Variants in MACROD2 observed in about 807,000 individuals in gnomAD.
MACROD2 encodes ADP-ribose glycohydrolase MACROD2.
A neutral mutation model predicts 70.4 loss-of-function variants in MACROD2; 36 were observed. The ratio of observed to expected loss-of-function variants is 0.51; its 90% CI spans 0.39 to 0.68. The LOEUF is 0.68. MACROD2 is among the 30% of genes least tolerant of loss of function. MACROD2 has a pLI of 0.00. For synonymous variants in MACROD2, 172 were observed against 178.8 expected (o/e 0.96, Z 0.30); for missense variants, 496 against 538.4 (o/e 0.92, Z 0.78).
At chr20:15,847,836 T>C (rs1318844047) in intron 8 of MACROD2, among the ~76,000 whole-genome samples, 1 of 152,190 alleles carries the variant, frequency 6.6e-6, no homozygotes, top group Admixed American at 6.5e-5. Flanking sequence ...TTTATGTTTT[T>C]GTTTTTATTT....
chr20:15,530,203 G>T (rs763383501), intron 8 of MACROD2, among the ~76,000 whole-genome samples: 4 of 152,132 alleles, frequency 2.6e-5, no homozygotes, highest in Non-Finnish European at 4.4e-5. Flanking sequence ...TGAAAGTGGG[G>T]AAATGGAAAC....
chr20:14,422,430 G>T (rs2083885186), intron 3 of MACROD2, among the ~76,000 whole-genome samples: 1 of 152,122 alleles, frequency 6.6e-6, no homozygotes, highest in African/African-American at 2.4e-5. Context: ...GTTAAGGAAA[G>T]ATTTACTTCT....
At chr20:13,996,144 G>A (rs1306725805) in intron 1 of MACROD2, among the ~76,000 whole-genome samples, 1 of 143,942 alleles carries the variant, frequency 6.9e-6, no homozygotes, top group Non-Finnish European at 1.5e-5. Context: ...CGCGGCACAA[G>A]TTCCTCTGCA....
intron 6 of MACROD2, among the ~76,000 whole-genome samples, chr20:15,408,879 A>G (rs1568784883): frequency 6.6e-6 from 1 of 152,226 alleles, no homozygotes; most frequent in East Asian, 1.9e-4. Flanking sequence ...GGATCATTTT[A>G]TCTCTTCTGC....
At chr20:15,278,819 T>C (rs1376262655) in intron 6 of MACROD2, among the ~76,000 whole-genome samples, 3 of 152,222 alleles carry the variant, frequency 2.0e-5, no homozygotes, top group Non-Finnish European at 4.4e-5. Context: ...CATTAGGCAT[T>C]AAATTCAGTC....
chr20:15,249,091 G>T (rs2077131177), intron 6 of MACROD2, among the ~76,000 whole-genome samples: 1 of 152,202 alleles, frequency 6.6e-6, no homozygotes, highest in African/African-American at 2.4e-5. Context: ...AGCTGCTTCA[G>T]AATTGCCCCG....
At chr20:14,680,411 G>A (rs1488500820) in intron 4 of MACROD2, among the ~76,000 whole-genome samples, 1 of 152,120 alleles carries the variant, frequency 6.6e-6, no homozygotes, top group East Asian at 1.9e-4. Flanking sequence ...ACTCCAGAAG[G>A]GCTATGCGGT....
At chr20:14,469,767 T>A in intron 3 of MACROD2, among the ~76,000 whole-genome samples, 1 of 152,050 alleles carries the variant, frequency 6.6e-6, no homozygotes, top group Non-Finnish European at 1.5e-5. Context: ...GCTGTGTTTT[T>A]CAGCTCCATC....
At chr20:15,468,665 T>C (rs1360292240) in intron 7 of MACROD2, among the ~76,000 whole-genome samples, 1 of 152,188 alleles carries the variant, frequency 6.6e-6, no homozygotes, top group Non-Finnish European at 1.5e-5. Flanking sequence ...TTTTGTGTGC[T>C]TCTTTTATTT....
At chr20:15,027,715 A>C (rs2075243897) in intron 5 of MACROD2, among the ~76,000 whole-genome samples, 1 of 151,952 alleles carries the variant, frequency 6.6e-6, no homozygotes, top group Non-Finnish European at 1.5e-5. Flanking sequence ...ATTAAAAAAA[A>C]AAAAAAAAAT....
intron 4 of MACROD2, among the ~76,000 whole-genome samples, chr20:14,660,348 TC>T (rs1255897100): frequency 6.6e-6 from 1 of 152,202 alleles, no homozygotes; most frequent in Non-Finnish European, 1.5e-5. Flanking sequence ...TTGAAAAACC[TC>T]AGTGCTTCTC....
chr20:14,660,762 C>A (rs1196671460), intron 4 of MACROD2, among the ~76,000 whole-genome samples: 2 of 151,868 alleles, frequency 1.3e-5, no homozygotes, highest in African/African-American at 4.8e-5. Flanking sequence ...CTATGCATAC[C>A]CAGTGTTTAG....
chr20:14,954,891 T>A (rs775454271), intron 5 of MACROD2, among the ~76,000 whole-genome samples: 19 of 110,574 alleles, frequency 1.7e-4, no homozygotes, highest in African/African-American at 5.6e-4. Context: ...TAATTATATA[T>A]TATATATAAT....
intron 3 of MACROD2, among the ~76,000 whole-genome samples, chr20:14,356,342 GCTAT>G (rs375217817): frequency 6.6e-6 from 1 of 151,862 alleles, no homozygotes; most frequent in African/African-American, 2.4e-5. Flanking sequence ...GGTTTAATCA[GCTAT>G]CTATTACCTC....
intron 5 of MACROD2, among the ~76,000 whole-genome samples, chr20:14,712,828 G>A (rs1243408883): frequency 6.6e-6 from 1 of 152,100 alleles, no homozygotes; most frequent in African/African-American, 2.4e-5. Context: ...GAGCAGAAAT[G>A]TTTGCTTGTT....
rs569305190 is a variant in MACROD2 at position 14,757,244 on chromosome 20, A to G, written c.418+72285A>G. On this transcript the variant is annotated intron_variant, in intron 5 of 17. Coordinates refer to ENST00000684519, the MANE Select transcript of MACROD2 (RefSeq NM_001351661.2). ...AGTTTTAGGAAAACATAGCAAATGAATAATACAGTTATGACTTTAAAAGGA... is the reference window on the plus strand; with the variant it reads ...AGTTTTAGGAAAACATAGCAAATGAGTAATACAGTTATGACTTTAAAAGGA... 2.0e-3 allele frequency among the ~76,000 whole-genome samples: 309 copies of G among 152,294 alleles called. 2 individuals carry two copies. Among genetic ancestry groups the G allele is most frequent in the African/African-American group, 7.1e-3 (295 of 41,510 alleles).
At chr20:15,437,076 G>C (rs2046436874) in intron 7 of MACROD2, among the ~76,000 whole-genome samples, 2 of 152,292 alleles carry the variant, frequency 1.3e-5, no homozygotes, top group Admixed American at 1.3e-4. Flanking sequence ...GTGTGAGAGG[G>C]AGGGAAATTG....
chr20:15,510,208 TAGAA>T (rs1600513132), intron 8 of MACROD2, among the ~76,000 whole-genome samples: 2 of 152,288 alleles, frequency 1.3e-5, no homozygotes, highest in East Asian at 3.9e-4. Flanking sequence ...TTTTTATAAA[TAGAA>T]AGTAAACCTC....
At position 15,400,404 on chromosome 20, in the gene MACROD2, T is replaced by A. The variant is rs980350703; in HGVS notation, c.541-31001T>A. Among the ~76,000 whole-genome samples, 3 of 152,302 alleles carry A rather than the reference T, an allele frequency of 2.0e-5. No individual in the cohort carries two copies. In the South Asian group the frequency reaches 6.2e-4, roughly 32 times the overall value. On this transcript the variant is annotated intron_variant, in intron 6 of 17. Coordinates refer to ENST00000684519, the MANE Select transcript of MACROD2 (RefSeq NM_001351661.2). ...CTTAGCTGCCTGACCCTCCTGGAAG[T>A]ACCATGACACACTTCACTTTTGTTT... is the stretch of plus-strand genomic sequence containing the variant.
Sources: allele counts gnomAD v4.1 joint callset (sites outside exome capture counted in the v4.1 genomes callset), GRCh38; gene constraint gnomAD v4.1.1; transcripts MANE v1.5; gene names NCBI Gene and HGNC (gene_info 2026-07-23, HGNC 2026-07-21).